The following INPP5K variants were observed in gnomAD, a reference collection of about 807,000 sequenced individuals.
The protein encoded by INPP5K is inositol polyphosphate-5-phosphatase K.
Under a neutral mutation model 53.5 loss-of-function variants are expected in INPP5K, and 35 were observed. That is an observed-to-expected ratio of 0.65 (90% confidence interval 0.50 to 0.87). INPP5K has a LOEUF of 0.87. Among genes scored for constraint, INPP5K ranks in the 40% least tolerant of loss-of-function variants. INPP5K has a pLI of 0.00. For synonymous variants in INPP5K, 253 were observed against 232.8 expected (o/e 1.09, Z -0.79); for missense variants, 550 against 586.2 (o/e 0.94, Z 0.64).
At chr17:1,500,426 G>A (rs111730402) in intron 7 of INPP5K, among the ~76,000 whole-genome samples, 1,527 of 151,586 alleles carry the variant, frequency 0.01, 27 homozygotes, top group African/African-American at 0.034. Flanking sequence ...GTGCACTGGC[G>A]CAATCTCGGC....
At chr17:1,513,297 C>T (rs1255167987) in intron 3 of INPP5K, among the ~76,000 whole-genome samples, 156 bp downstream of exon 3, 2 of 152,082 alleles carry the variant, frequency 1.3e-5, no homozygotes, top group Non-Finnish European at 2.9e-5. Context: ...GCAGGGGCCC[C>T]GGGGTCCAGG....
chr17:1,513,760 C>G lies in INPP5K; in HGVS notation c.152+112G>C. ...GACATGGGACTGTCCCTGAAGCAGG[C>G]TGAAAGCTCCCAGCCTTCAGACTCC... is the stretch of plus-strand genomic sequence containing the variant. On this transcript the variant is annotated intron_variant, in intron 2 of 11. Transcript: ENST00000421807. 3.1e-6 allele frequency: 3 copies of G among 953,606 alleles called. No individual in the cohort carries two copies. The South Asian group carries it at 4.7e-5, about 15-fold the overall frequency. 59.1% of individuals were successfully genotyped at this position (953,606 alleles called of 1,614,324 possible).
chr17:1,502,168 T>G (rs1427876286), intron 7 of INPP5K, among the ~76,000 whole-genome samples: 2 of 151,586 alleles, frequency 1.3e-5, no homozygotes, highest in South Asian at 4.2e-4. Context: ...GCTAACATGG[T>G]GAAACCCCGT....
intron 5 of INPP5K, chr17:1,508,534 A>G: frequency 2.6e-6 from 1 of 383,708 alleles, no homozygotes; most frequent in Non-Finnish European, 4.9e-6. Context: ...CAGGAGCCAC[A>G]AGGTCCTTGA....
At chr17:1,511,265 A>ACT (rs1351296113) in intron 3 of INPP5K, among the ~76,000 whole-genome samples, 194 of 152,322 alleles carry the variant, frequency 1.3e-3, no homozygotes, top group African/African-American at 4.4e-3. Flanking sequence ...AGGGAGGCTA[A>ACT]GGAACCAGTA....
chr17:1,509,417 A>G, intron 4 of INPP5K, 64 bp from the exon 5 acceptor site: 1 of 1,479,178 alleles, frequency 6.8e-7, no homozygotes, highest in African/African-American at 1.4e-5. Context: ...CTCTTTCCAC[A>G]TCCTGGACCT....
At chr17:1,515,473 C>T (rs1353717281) in intron 1 of INPP5K, 1 of 985,500 alleles carries the variant, frequency 1.0e-6, no homozygotes, top group Non-Finnish European at 1.2e-6. Flanking sequence ...TTCAAGAAGC[C>T]TCAGACTGTG....
At chr17:1,515,831 GACAGAGGCTTAAGGA>G in intron 1 of INPP5K, 1 of 870,846 alleles carries the variant, frequency 1.1e-6, no homozygotes, top group Non-Finnish European at 1.4e-6. Flanking sequence ...CCTGCTGTCC[GACAGAGGCTTAAGGA>G]ACAAAGACCT....
In INPP5K at chr17:1,498,046, T is replaced by C. The variant is rs747128965; in HGVS notation, c.853A>G (p.Thr285Ala). Residue 285 changes from threonine to alanine, a missense_variant, in exon 8 of 12, where the codon ACT (threonine) becomes GCT (alanine). Physicochemically the swap from Thr to Ala is moderately conservative, Grantham distance 58 (BLOSUM62 0). Coordinates refer to ENST00000421807, the MANE Select transcript of INPP5K (RefSeq NM_016532.4). Reference protein sequence around the residue: ...LKRQPCAGPDTPIPPASHFSL... With the variant: ...LKRQPCAGPDAPIPPASHFSL... ...AAGTGTGACGCCGGCGGTATGGGAGTGTCGGGGCCAGCACAGGGCTGCCGC... is the reference window on the plus strand; with the variant it reads ...AAGTGTGACGCCGGCGGTATGGGAGCGTCGGGGCCAGCACAGGGCTGCCGC... 2.9e-5 allele frequency: 46 copies of C among 1,613,476 alleles called. No individual in the cohort carries two copies. In the South Asian group the frequency reaches 4.0e-4, roughly 14 times the overall value.
Position 1,509,300 on chromosome 17 carries a change from G to A in INPP5K, c.432C>T (p.Ser144=). ...GGGGAGGCAGGTGGCAGTTGATGAT[G>A]CTGACATAGTAGCCATAAAGCTTCA... ...ICLKLYGYYV[S]IINCHLPPHI... Residue 144 remains serine (S), a synonymous_variant, in exon 5 of 12, where the codon AGC becomes AGT. Coordinates refer to ENST00000421807, the MANE Select transcript of INPP5K (RefSeq NM_016532.4). 1.2e-6 allele frequency: 2 copies of A among 1,614,084 alleles called. No individual in the cohort carries two copies. Among genetic ancestry groups the A allele is most frequent in the Non-Finnish European group, 1.7e-6 (2 of 1,179,990 alleles).
Position 1,511,430 on chromosome 17 carries a change from C to T in INPP5K, c.262-1631G>A, listed in dbSNP as rs977850555. Among the ~76,000 whole-genome samples the T allele has an allele frequency of 4.6e-5, 7 of 152,152 alleles. No individual in the cohort carries two copies. The East Asian group carries it at 7.7e-4, about 17-fold the overall frequency. On this transcript the variant is annotated intron_variant, in intron 3 of 11. Coordinates refer to ENST00000421807, the MANE Select transcript of INPP5K (RefSeq NM_016532.4). ...CCACCGGCACCCGAGGAGCCGTTTC[C>T]GGAGAATGAAGTGTGGAGGCCAAGG...
At position 1,509,719 on chromosome 17, in the gene INPP5K, A is replaced by C. The variant is rs747372189; in HGVS notation, c.342T>G (p.Ser114=). The C allele has an allele frequency of 1.2e-6, 2 of 1,613,208 alleles. No individual in the cohort carries two copies. The highest frequency in any genetic ancestry group is 2.2e-5 in the South Asian group (2 of 91,050). Residue 114 remains serine, a synonymous_variant, in exon 4 of 12, where the codon TCT becomes TCG. Coordinates refer to ENST00000421807, the MANE Select transcript of INPP5K (RefSeq NM_016532.4). ...YQHLPYIQIL[S]TKSTPTGLFG... is the part of the protein sequence containing the mutation. ...ACAGGCCAGTGGGGGTGGATTTAGT[A>C]GACAGAATCTGGATATAGGGCAAAT...
At position 1,495,663 on chromosome 17, in the gene INPP5K, A is replaced by G; in HGVS notation, c.*160T>C. 1 of 609,594 alleles carries G rather than the reference A, an allele frequency of 1.6e-6. No individual in the cohort carries two copies. Among genetic ancestry groups the G allele is most frequent in the Non-Finnish European group, 2.9e-6 (1 of 342,164 alleles). 37.8% of individuals were successfully genotyped at this position (609,594 alleles called of 1,614,324 possible). ...AATTCCAGAGATGAGTAGTGGAGAG[A>G]GCAAATGAGCCTGGTTAGAGCTCAC... On this transcript the variant is annotated 3_prime_UTR_variant, in exon 12 of 12. Coordinates refer to ENST00000421807, the MANE Select transcript of INPP5K (RefSeq NM_016532.4).
chr17:1,507,169 C>T (rs1301631440), intron 6 of INPP5K, 80 bp from the exon 7 acceptor site: 3 of 985,584 alleles, frequency 3.0e-6, no homozygotes, highest in Non-Finnish European at 4.7e-6. Context: ...AAGGGATCAG[C>T]ACATGCCGTC....
chr17:1,506,931 C>T, intron 7 of INPP5K, 49 bp downstream of exon 7: 2 of 1,275,296 alleles, frequency 1.6e-6, no homozygotes, highest in Non-Finnish European at 2.3e-6. Context: ...CCAGCAGGGT[C>T]AGTGTAACCT....
chr17:1,498,110 G>A lies in INPP5K; in HGVS notation c.789C>T (p.Arg263=). Residue 263 remains arginine, a synonymous_variant, in exon 8 of 12, where the codon CGC becomes CGT. Coordinates refer to ENST00000421807, the MANE Select transcript of INPP5K (RefSeq NM_016532.4). ...SNDYDTSEKK[R]KPAWTDRILW... ...GGATGCGATCGGTCCATGCAGGCTT[G>A]CGTTTTTTCTCACTGCAGGGGCAGG... The A allele has an allele frequency of 6.2e-7, 1 of 1,602,006 alleles. No homozygotes were observed. The highest frequency in any genetic ancestry group is 8.5e-7 in the Non-Finnish European group (1 of 1,171,238).
chr17:1,515,896 G>A (rs946042529), intron 1 of INPP5K: 6 of 986,076 alleles, frequency 6.1e-6, no homozygotes, highest in South Asian at 4.5e-5. Flanking sequence ...ACTCTAAGAG[G>A]ATGGAGAGCA....
chr17:1,514,973 C>T (rs1306738646), intron 1 of INPP5K, among the ~76,000 whole-genome samples: 1 of 142,982 alleles, frequency 7.0e-6, no homozygotes, highest in Admixed American at 7.3e-5. Context: ...CTGGGATGAT[C>T]TCGGCTCATC....
intron 7 of INPP5K, among the ~76,000 whole-genome samples, chr17:1,500,750 C>G (rs1019664542): frequency 2.0e-5 from 3 of 152,136 alleles, no homozygotes; most frequent in Admixed American, 1.3e-4. Flanking sequence ...GGTGTAAGCC[C>G]TGAAGGCAAG....
Sources: gnomAD v4.1 joint callset for allele counts (sites outside exome capture counted in the v4.1 genomes callset) on GRCh38, gnomAD v4.1.1 for gene constraint, MANE v1.5 for transcripts, NCBI Gene and HGNC (gene_info 2026-07-23, HGNC 2026-07-21) for gene names.